The following DLG2 variants were observed in gnomAD, a reference collection of about 807,000 sequenced individuals.
The protein encoded by DLG2 is disks large homolog 2.
A neutral mutation model predicts 132.5 loss-of-function variants in DLG2; 45 were observed. That is an observed-to-expected ratio of 0.34 (90% CI 0.27 to 0.44). The LOEUF (loss-of-function observed/expected upper bound fraction) is 0.44. Ranked by LOEUF, DLG2 falls within the 20% of genes least tolerant of loss-of-function variation. DLG2 has a pLI of 1.00. For synonymous variants in DLG2, 424 were observed against 419.6 expected (o/e 1.01, Z -0.13); for missense variants, 1,045 against 1,196.9 (o/e 0.87, Z 1.87).
rs2141114555 is a variant in DLG2 at position 83,533,281 on chromosome 11, C to T, written c.2118-498G>A. ...TTGAGCTTTCCTTTTCCCCAATGTC[C>T]TTCTGTCATCTCTGCAGATTCATTG... On this transcript the variant is annotated intron_variant, in intron 20 of 27. Coordinates refer to ENST00000376104, the MANE Select transcript of DLG2 (RefSeq NM_001142699.3). Among the ~76,000 whole-genome samples the T allele has an allele frequency of 2.0e-5, 3 of 152,218 alleles. No individual in the cohort carries two copies. The Middle Eastern group carries it at 0.01, about 518-fold the overall frequency.
At chr11:84,765,163 C>T (rs2068226239) in intron 6 of DLG2, among the ~76,000 whole-genome samples, 1 of 151,974 alleles carries the variant, frequency 6.6e-6, no homozygotes, top group African/African-American at 2.4e-5. Flanking sequence ...CAAACTTGAC[C>T]ACTAGGTTTT....
At chr11:84,982,518 A>C (rs913919327) in intron 6 of DLG2, among the ~76,000 whole-genome samples, 6 of 152,074 alleles carry the variant, frequency 3.9e-5, no homozygotes, top group Non-Finnish European at 8.8e-5. Flanking sequence ...AGTATTCTCC[A>C]TCTCCTCATT....
At chr11:84,995,475 G>T (rs944762757) in intron 6 of DLG2, among the ~76,000 whole-genome samples, 2 of 152,176 alleles carry the variant, frequency 1.3e-5, no homozygotes, top group Admixed American at 6.6e-5. Context: ...GTACATATTT[G>T]TCTCTCTCCA....
chr11:84,446,920 C>T (rs766159856), intron 7 of DLG2, among the ~76,000 whole-genome samples: 1 of 152,118 alleles, frequency 6.6e-6, no homozygotes, highest in Admixed American at 6.5e-5. Context: ...CATCATTATA[C>T]ACAAACACAA....
chr11:83,671,258 T>A (rs1023086007), intron 18 of DLG2, among the ~76,000 whole-genome samples: 8 of 152,168 alleles, frequency 5.3e-5, no homozygotes, highest in African/African-American at 1.9e-4. Context: ...GGCTTTCCGT[T>A]GTGAGCAAAT....
At chr11:84,541,542 T>C (rs949021980) in intron 6 of DLG2, among the ~76,000 whole-genome samples, 13 of 152,086 alleles carry the variant, frequency 8.5e-5, no homozygotes, top group African/African-American at 3.1e-4. Flanking sequence ...ATTTTGTCAA[T>C]GAATAAGAAC....
At chr11:84,923,664 C>A in intron 6 of DLG2, 1 of 861,460 alleles carries the variant, frequency 1.2e-6, no homozygotes, top group Non-Finnish European at 1.4e-6. Flanking sequence ...TGGTGCAGCA[C>A]CCTGTTTGGC....
intron 14 of DLG2, among the ~76,000 whole-genome samples, chr11:83,940,188 T>C (rs1315372180): frequency 4.6e-5 from 7 of 152,192 alleles, no homozygotes; most frequent in Admixed American, 4.6e-4. Context: ...CATATATTGG[T>C]CCTTCCTTCC....
At chr11:83,963,189 T>C (rs1199890935) in intron 13 of DLG2, among the ~76,000 whole-genome samples, 166 bp from the exon 14 acceptor site, 2 of 152,146 alleles carry the variant, frequency 1.3e-5, no homozygotes, top group African/African-American at 4.8e-5. Flanking sequence ...ATTTAATATA[T>C]ACAAGCACAT....
chr11:85,205,782 C>G (rs936990397), intron 4 of DLG2, among the ~76,000 whole-genome samples: 1 of 152,146 alleles, frequency 6.6e-6, no homozygotes, highest in Non-Finnish European at 1.5e-5. Context: ...AGAAAGAGAT[C>G]AGAGTGTGAT....
chr11:85,515,924 G>A (rs533658715), intron 3 of DLG2, among the ~76,000 whole-genome samples: 4 of 152,092 alleles, frequency 2.6e-5, no homozygotes, highest in African/African-American at 9.6e-5. Context: ...AATAGAATCA[G>A]TTCTCCTTGA....
intron 5 of DLG2, among the ~76,000 whole-genome samples, chr11:85,150,672 G>C (rs1050801798): frequency 1.4e-5 from 2 of 147,876 alleles, no homozygotes; most frequent in East Asian, 4.1e-4. Context: ...CATATGATAG[G>C]ATTTCCTTTT....
intron 11 of DLG2, among the ~76,000 whole-genome samples, chr11:84,020,780 C>T (rs982669758): frequency 7.9e-5 from 12 of 152,196 alleles, no homozygotes; most frequent in East Asian, 3.9e-4. Flanking sequence ...TCTCTCAGGA[C>T]GGCATACAAA....
intron 3 of DLG2, among the ~76,000 whole-genome samples, chr11:85,322,787 T>G (rs979857971): frequency 6.6e-6 from 1 of 152,146 alleles, no homozygotes; most frequent in African/African-American, 2.4e-5. Context: ...CAATCAATTA[T>G]GAAGTCTATA....
intron 7 of DLG2, among the ~76,000 whole-genome samples, chr11:84,526,056 T>A (rs1226463406): frequency 3.9e-5 from 6 of 152,208 alleles, no homozygotes; most frequent in African/African-American, 1.4e-4. Context: ...TCTTTCACAC[T>A]TTCTTTATTG....
intron 6 of DLG2, among the ~76,000 whole-genome samples, chr11:84,823,557 T>G (rs966167278): frequency 1.3e-5 from 2 of 148,190 alleles, no homozygotes; most frequent in African/African-American, 5.0e-5. Flanking sequence ...TGAACCATCC[T>G]GTTAGAATGG....
chr11:83,974,066 G>T (rs1440044523), intron 12 of DLG2, among the ~76,000 whole-genome samples: 2 of 152,070 alleles, frequency 1.3e-5, no homozygotes, highest in African/African-American at 4.8e-5. Context: ...GTAGGCAAAA[G>T]ATCTTTTCAA....
chr11:84,405,087 T>C (rs1388605777), intron 7 of DLG2, among the ~76,000 whole-genome samples: 1 of 152,136 alleles, frequency 6.6e-6, no homozygotes, highest in South Asian at 2.1e-4. Context: ...GGGAGAATAA[T>C]TCATAAATAG....
chr11:84,677,177 T>C (rs1244134138), intron 6 of DLG2, among the ~76,000 whole-genome samples: 2 of 152,102 alleles, frequency 1.3e-5, no homozygotes, highest in Admixed American at 1.3e-4. Context: ...CGGCATTCAT[T>C]AAAGTAGATT....
Sources: gnomAD v4.1 joint callset for allele counts (sites outside exome capture counted in the v4.1 genomes callset) on GRCh38, gnomAD v4.1.1 for gene constraint, MANE v1.5 for transcripts, NCBI Gene and HGNC (gene_info 2026-07-23, HGNC 2026-07-21) for gene names.